Variants in WDSUB1 observed in about 807,000 individuals in gnomAD.
The protein encoded by WDSUB1 is WD repeat, SAM and U-box domain-containing protein 1.
Under a neutral mutation model 53.9 loss-of-function variants are expected in WDSUB1, and 49 were observed. The ratio of observed to expected loss-of-function variants is 0.91; its 90% CI spans 0.72 to 1.15. The LOEUF is 1.15. WDSUB1 is among the 50% of genes most tolerant of loss of function. The pLI is 0.00. For synonymous variants in WDSUB1, 194 were observed against 200.6 expected (o/e 0.97, Z 0.28); for missense variants, 514 against 562.0 (o/e 0.91, Z 0.86).
intron 10 of WDSUB1, among the ~76,000 whole-genome samples, chr2:159,247,430 T>C (rs1434256240): frequency 1.3e-5 from 2 of 152,196 alleles, no homozygotes; most frequent in Admixed American, 6.5e-5. Context: ...GTAAGGACTA[T>C]AGTTTCAAAA....
intron 3 of WDSUB1, 147 bp from the exon 4 acceptor site, chr2:159,275,785 G>A (rs961793618): frequency 1.6e-6 from 1 of 618,888 alleles, no homozygotes; most frequent in Non-Finnish European, 2.7e-6. Flanking sequence ...TTAACAAAAT[G>A]CTGATTAAAG....
Position 159,243,366 on chromosome 2 carries a change from AGTAAG to A in WDSUB1, c.1273+5001_1273+5005del, listed in dbSNP as rs1216929060. Reference sequence around the variant, plus strand: ...TTTGGAAGTGCTCTGTCTCAACTGTAGTAAGGTAATCACAAACCTCTAGACAGGAT... The same window carrying A: ...TTTGGAAGTGCTCTGTCTCAACTGTAGTAATCACAAACCTCTAGACAGGAT... On this transcript the variant is annotated intron_variant, in intron 10 of 10. Transcript: ENST00000359774. Among the ~76,000 whole-genome samples, 21 of 147,694 alleles carry A rather than the reference AGTAAG, an allele frequency of 1.4e-4. 4 individuals are homozygous for A. Among genetic ancestry groups the A allele is most frequent in the African/African-American group, 5.3e-4 (20 of 37,900 alleles).
At chr2:159,269,193 T>TG (rs2061402117) in intron 5 of WDSUB1, among the ~76,000 whole-genome samples, 1 of 138,882 alleles carries the variant, frequency 7.2e-6, no homozygotes, top group Non-Finnish European at 1.5e-5. Context: ...TTTTTTGAGA[T>TG]GGAGTCTTGC....
chr2:159,285,084 C>A (rs1414400917), intron 1 of WDSUB1, among the ~76,000 whole-genome samples: 1 of 152,218 alleles, frequency 6.6e-6, no homozygotes, highest in Non-Finnish European at 1.5e-5. Context: ...GGATGTAAAT[C>A]CCAAAGGAGT....
intron 3 of WDSUB1, among the ~76,000 whole-genome samples, chr2:159,275,981 T>C (rs2061532887): frequency 6.6e-6 from 1 of 152,090 alleles, no homozygotes; most frequent in South Asian, 2.1e-4. Context: ...ATAGGAAAAA[T>C]CAGGAAGAAA....
intron 4 of WDSUB1, among the ~76,000 whole-genome samples, chr2:159,272,270 C>T (rs147289970): frequency 0.01 from 1,524 of 152,302 alleles, 17 homozygotes; most frequent in Non-Finnish European, 0.011. Flanking sequence ...TTACGGATTG[C>T]AGAAACATGA....
At chr2:159,241,020 A>G (rs2060629643) in intron 10 of WDSUB1, among the ~76,000 whole-genome samples, 1 of 152,212 alleles carries the variant, frequency 6.6e-6, no homozygotes, top group South Asian at 2.1e-4. Flanking sequence ...AAAGTCTACG[A>G]TGACAAATAG....
At chr2:159,263,242 T>C (rs1259901283) in intron 5 of WDSUB1, among the ~76,000 whole-genome samples, 1 of 152,232 alleles carries the variant, frequency 6.6e-6, no homozygotes, top group Non-Finnish European at 1.5e-5. Flanking sequence ...TAGCAATTAT[T>C]TCCTGAGCCC....
chr2:159,246,508 C>T (rs1207765358), intron 10 of WDSUB1, among the ~76,000 whole-genome samples: 2 of 150,642 alleles, frequency 1.3e-5, no homozygotes, highest in South Asian at 4.2e-4. Flanking sequence ...ACTAGCAATA[C>T]CAAGTGCTGG....
rs1188213615 is a variant in WDSUB1, at chr2:159,279,915, C to T, written c.429G>A (p.Ala143=). ...RCGSVKDGSL[A]ACAFSPNGSF... Reference sequence around the variant, plus strand: ...TTCCATTAGGAGAAAATGCACATGCCGCCAAGGAGCCATCTTTAACACTAC... The same window carrying T: ...TTCCATTAGGAGAAAATGCACATGCTGCCAAGGAGCCATCTTTAACACTAC... Residue 143 remains alanine (A), a synonymous_variant, in exon 3 of 11, where the codon GCG becomes GCA. Coordinates refer to ENST00000359774, the MANE Select transcript of WDSUB1 (RefSeq NM_001128212.3). The T allele has an allele frequency of 6.2e-6, 10 of 1,611,034 alleles. No individual in the cohort carries two copies. Among genetic ancestry groups the T allele is most frequent in the South Asian group, 2.2e-5 (2 of 90,770 alleles).
In WDSUB1 at chr2:159,256,308, C is replaced by T. The variant is rs373479880; in HGVS notation, c.1020G>A (p.Trp340Ter). The T allele has an allele frequency of 5.0e-6, 8 of 1,612,326 alleles. No individual in the cohort carries two copies. The African/African-American group carries it at 8.0e-5, about 16-fold the overall frequency. ...GATCTTTTAAATCTTGTGCACAAAGCCATGTTGAGACATCCTCCTCTGACC... is the reference window on the plus strand; with the variant it reads ...GATCTTTTAAATCTTGTGCACAAAGTCATGTTGAGACATCCTCCTCTGACC... ...EDWSEEDVST[W>*]LCAQDLKDLV... is the part of the protein sequence containing the mutation. The change falls in exon 9 of 11, where the codon TGG (tryptophan) becomes TGA (stop). Residue 340 changes from tryptophan to a stop codon, truncating the protein, a stop_gained. Transcript: ENST00000359774. LOFTEE classifies it high-confidence loss of function.
intron 9 of WDSUB1, among the ~76,000 whole-genome samples, chr2:159,250,502 GCA>G (rs1431197265): frequency 1.3e-5 from 2 of 152,304 alleles, no homozygotes; most frequent in East Asian, 3.9e-4. Flanking sequence ...CTAAAATGCA[GCA>G]CAGTGTTAGC....
intron 4 of WDSUB1, 51 bp downstream of exon 4, chr2:159,275,495 T>C: frequency 2.1e-6 from 3 of 1,435,448 alleles, no homozygotes; most frequent in Non-Finnish European, 2.8e-6. Flanking sequence ...TAAATAGAAA[T>C]TTTATCCAGA....
chr2:159,258,144 G>A (rs971063684), intron 6 of WDSUB1, among the ~76,000 whole-genome samples, 159 bp from the exon 7 acceptor site: 2 of 152,150 alleles, frequency 1.3e-5, no homozygotes, highest in Non-Finnish European at 2.9e-5. Context: ...AGCAGAAACA[G>A]CATCTGTAAC....
chr2:159,247,886 A>AATATATATATATATATATATATATAAAT (rs373694392), intron 10 of WDSUB1, among the ~76,000 whole-genome samples: 1 of 63,824 alleles, frequency 1.6e-5, no homozygotes, highest in African/African-American at 5.4e-5. Context: ...AAATTAAATA[A>AATATATATATATATATATATATATAAAT]ATATATATAT....
chr2:159,248,566 G>C lies in WDSUB1; in HGVS notation c.1133-54C>G. 3 of 1,432,890 alleles carry C rather than the reference G, an allele frequency of 2.1e-6. No homozygotes were observed. In the South Asian group the frequency reaches 4.8e-5, roughly 23 times the overall value. The allele number at this position is 1,432,890 out of a possible 1,614,324, so 88.8% of individuals were successfully genotyped here. A position where few individuals can be genotyped will look rare whatever the true frequency, so the allele number is the denominator to read the frequency against. On this transcript the variant is annotated intron_variant, in intron 9 of 10. Coordinates refer to ENST00000359774, the MANE Select transcript of WDSUB1 (RefSeq NM_001128212.3). ...TAACTACTAGTAATCCTTACTACTAGGATACTACCAGTAATCCTTATTCAC... is the reference window on the plus strand; with the variant it reads ...TAACTACTAGTAATCCTTACTACTACGATACTACCAGTAATCCTTATTCAC...
At chr2:159,240,302 C>T (rs1287300092) in intron 10 of WDSUB1, among the ~76,000 whole-genome samples, 2 of 152,124 alleles carry the variant, frequency 1.3e-5, no homozygotes, top group East Asian at 3.9e-4. Flanking sequence ...GGGTTGTTTC[C>T]ACCTTTGGGC....
intron 2 of WDSUB1, among the ~76,000 whole-genome samples, chr2:159,282,362 T>C (rs1449553631): frequency 1.3e-5 from 2 of 152,026 alleles, no homozygotes; most frequent in Admixed American, 1.3e-4. Context: ...CCGGCTAATT[T>C]TTTGTATTTT....
intron 10 of WDSUB1, among the ~76,000 whole-genome samples, chr2:159,243,292 C>T (rs772973938): frequency 1.4e-5 from 2 of 147,522 alleles, no homozygotes; most frequent in African/African-American, 2.6e-5. Context: ...TAGTGGTTTC[C>T]AGGGGCTGGG....
Sources: gnomAD v4.1 joint callset for allele counts (sites outside exome capture counted in the v4.1 genomes callset) on GRCh38, gnomAD v4.1.1 for gene constraint, MANE v1.5 for transcripts, NCBI Gene and HGNC (gene_info 2026-07-23, HGNC 2026-07-21) for gene names.